The following MDFIC variants were observed in gnomAD, a reference collection of about 807,000 sequenced individuals.
MDFIC encodes myoD family inhibitor domain-containing protein.
Under a neutral mutation model 23.2 loss-of-function variants are expected in MDFIC, and 17 were observed. The ratio of observed to expected loss-of-function variants is 0.73; its 90% CI spans 0.50 to 1.10. The LOEUF (loss-of-function observed/expected upper bound fraction) is 1.10, where lower values mean the gene tolerates loss of function less well. Ranked by LOEUF, MDFIC falls within the 50% of genes least tolerant of loss-of-function variation. MDFIC has a pLI of 0.00. For missense variants in MDFIC, 356 were observed against 316.6 expected, an observed-to-expected ratio of 1.12 and a Z score of -0.95; for synonymous variants, 120 against 115.2, an observed-to-expected ratio of 1.04 and a Z score of -0.27.
intron 4 of MDFIC, among the ~76,000 whole-genome samples, chr7:114,991,143 T>C (rs886386291): frequency 2.3e-4 from 35 of 152,312 alleles, no homozygotes; most frequent in African/African-American, 8.4e-4. Flanking sequence ...TGCATAAATG[T>C]CTTGTTTTGA....
chr7:115,007,180 C>T (rs1003908837), intron 4 of MDFIC, among the ~76,000 whole-genome samples: 32 of 152,006 alleles, frequency 2.1e-4, no homozygotes, highest in African/African-American at 7.0e-4. Context: ...GTCCGATGTC[C>T]GTGTGGTAAT....
rs778945107 is a variant in MDFIC at position 114,942,310 on chromosome 7, A to G, written c.130A>G (p.Thr44Ala). ...TAAAGACAATACTGAGAAAGATATA[A>G]CTCAAGCTACCAATAGCCACTTCAC... Reference protein sequence around the residue: ...CDKDNTEKDITQATNSHFTHG... With the variant: ...CDKDNTEKDIAQATNSHFTHG... The change falls in exon 3 of 5, where the codon ACT (threonine) becomes GCT (alanine). Residue 44 changes from threonine to alanine, a missense_variant. Physicochemically the swap from Thr to Ala is moderately conservative, Grantham distance 58. Transcript: ENST00000393486. 6.3e-7 allele frequency: 1 copy of G among 1,579,284 alleles called. No individual in the cohort carries two copies. The highest frequency in any genetic ancestry group is 8.7e-7 in the Non-Finnish European group (1 of 1,151,738).
intron 3 of MDFIC, among the ~76,000 whole-genome samples, chr7:114,969,337 T>TG (rs1351178727): frequency 2.0e-5 from 3 of 152,200 alleles, no homozygotes; most frequent in Non-Finnish European, 4.4e-5. Context: ...AGTGACAGCT[T>TG]AAAAGCTAGT....
intron 2 of MDFIC, among the ~76,000 whole-genome samples, chr7:114,936,552 A>C (rs1177787616): frequency 6.6e-6 from 1 of 152,146 alleles, no homozygotes; most frequent in African/African-American, 2.4e-5. Flanking sequence ...TAGCAGATTT[A>C]TGTTTAAAAA....
intron 4 of MDFIC, among the ~76,000 whole-genome samples, chr7:114,997,004 A>T (rs1158078357): frequency 6.6e-6 from 1 of 152,142 alleles, no homozygotes; most frequent in African/African-American, 2.4e-5. Flanking sequence ...AAACAGAGGG[A>T]GTGATCATGT....
At chr7:114,929,421 A>G (rs1435787274) in intron 2 of MDFIC, among the ~76,000 whole-genome samples, 1 of 152,088 alleles carries the variant, frequency 6.6e-6, no homozygotes, top group Non-Finnish European at 1.5e-5. Flanking sequence ...CCTTTTTATA[A>G]TGGAGTTAAT....
chr7:114,962,608 GT>G (rs901661913), intron 3 of MDFIC, among the ~76,000 whole-genome samples: 3 of 151,960 alleles, frequency 2.0e-5, no homozygotes, highest in South Asian at 4.2e-4. Context: ...GGAGGAGTCT[GT>G]TTTTTTTGAA....
In MDFIC at chr7:115,019,876, C is replaced by G. The variant is rs143092734; in HGVS notation, c.*3941C>G. ...GTATTAAAAGAGAATCCTTTCAACC[C>G]TTCATCTTCGTATGCTTATACAATA... On this transcript the variant is annotated 3_prime_UTR_variant, in exon 5 of 5. Coordinates refer to ENST00000393486, the MANE Select transcript of MDFIC (RefSeq NM_001166345.3). Among the ~76,000 whole-genome samples, 314 of 152,178 alleles carry G rather than the reference C, an allele frequency of 2.1e-3. 1 individual carries two copies. The highest frequency in any genetic ancestry group is 6.9e-3 in the African/African-American group (288 of 41,534).
rs1792121270 is a variant in MDFIC at position 114,923,047 on chromosome 7, G to A, written c.14G>A (p.Gly5Asp). 1 of 1,362,122 alleles carries A rather than the reference G, an allele frequency of 7.3e-7. No homozygotes were observed. Among genetic ancestry groups the A allele is most frequent in the East Asian group, 3.2e-5 (1 of 31,342 alleles). 84.4% of individuals were successfully genotyped at this position (1,362,122 alleles called of 1,614,324 possible). MSGA[G>D]EALAPGPVGP... ...GCGGAGCGGCCCATGTCCGGCGCGG[G>A]CGAAGCCCTCGCTCCCGGGCCCGTG... The change falls in exon 2 of 5, where the codon GGC becomes GAC. Residue 5 changes from glycine to aspartate, a missense_variant. Physicochemically the swap from Gly to Asp is moderately conservative, Grantham distance 94 (BLOSUM62 -1). Transcript: ENST00000393486.
intron 3 of MDFIC, among the ~76,000 whole-genome samples, chr7:114,944,762 T>G (rs533701304): frequency 6.6e-6 from 1 of 152,332 alleles, no homozygotes; most frequent in Admixed American, 6.5e-5. Flanking sequence ...GAAACTCTTT[T>G]GTAATAACAA....
chr7:114,990,900 A>T (rs1221611835), intron 4 of MDFIC, among the ~76,000 whole-genome samples: 4 of 152,118 alleles, frequency 2.6e-5, no homozygotes, highest in East Asian at 1.9e-4. Context: ...TATTTCTAGT[A>T]CTAGATCCTT....
At chr7:114,958,384 T>A (rs908335729) in intron 3 of MDFIC, among the ~76,000 whole-genome samples, 1 of 152,190 alleles carries the variant, frequency 6.6e-6, no homozygotes, top group Non-Finnish European at 1.5e-5. Context: ...CTCTTCTTAT[T>A]TTTTGCATAA....
At chr7:114,996,263 G>A (rs374209303) in intron 4 of MDFIC, among the ~76,000 whole-genome samples, 3 of 152,146 alleles carry the variant, frequency 2.0e-5, no homozygotes, top group Admixed American at 6.6e-5. Flanking sequence ...GGATTGGATC[G>A]GGGTGACAGT....
intron 3 of MDFIC, among the ~76,000 whole-genome samples, chr7:114,961,654 G>A (rs1365297390): frequency 1.3e-5 from 2 of 152,154 alleles, no homozygotes; most frequent in Admixed American, 1.3e-4. Context: ...TCACAATCAT[G>A]GTGGAAGGTG....
At chr7:114,987,130 AGAGATCC>A (rs1224902913) in intron 4 of MDFIC, among the ~76,000 whole-genome samples, 1 of 152,212 alleles carries the variant, frequency 6.6e-6, no homozygotes, top group African/African-American at 2.4e-5. Context: ...ACAGTTACTC[AGAGATCC>A]TACTTCCCAG....
chr7:115,014,620 CA>C, intron 4 of MDFIC: 2 of 995,578 alleles, frequency 2.0e-6, no homozygotes, highest in Non-Finnish European at 2.5e-6. Flanking sequence ...AGTACAAAAA[CA>C]AAAAAACAAG....
chr7:114,972,731 C>T (rs754600316), intron 3 of MDFIC, among the ~76,000 whole-genome samples: 16 of 152,012 alleles, frequency 1.1e-4, no homozygotes, highest in Non-Finnish European at 2.1e-4. Flanking sequence ...TGGGCTCAAG[C>T]CATCCTCCCA....
intron 4 of MDFIC, among the ~76,000 whole-genome samples, chr7:114,984,448 A>G (rs2115988553): frequency 6.6e-6 from 1 of 152,318 alleles, no homozygotes; most frequent in African/African-American, 2.4e-5. Flanking sequence ...GCCCTGGAAA[A>G]TAAAATGTGT....
intron 3 of MDFIC, among the ~76,000 whole-genome samples, chr7:114,973,839 A>C (rs192434439): frequency 6.6e-6 from 1 of 152,320 alleles, no homozygotes; most frequent in African/African-American, 2.4e-5. Flanking sequence ...GTAGTTACAG[A>C]ATTTGACTGG....
Sources: gnomAD v4.1 joint callset for allele counts (sites outside exome capture counted in the v4.1 genomes callset) on GRCh38, gnomAD v4.1.1 for gene constraint, MANE v1.5 for transcripts, NCBI Gene and HGNC (gene_info 2026-07-23, HGNC 2026-07-21) for gene names.